Variants in TAMALIN observed in about 807,000 individuals in gnomAD.
The protein encoded by TAMALIN is trafficking regulator and scaffold protein tamalin, also known as protein TAMALIN.
Under a neutral mutation model 38.5 loss-of-function variants are expected in TAMALIN, and 9 were observed. The observed-to-expected ratio is 0.23, with a 90% CI of 0.14 to 0.41. The LOEUF (loss-of-function observed/expected upper bound fraction) is 0.41. TAMALIN is among the 10% of genes least tolerant of loss of function. The pLI, the probability that TAMALIN is intolerant of heterozygous loss-of-function variation, is 1.00. For missense variants in TAMALIN, 548 were observed against 554.1 expected (o/e 0.99, Z 0.11); for synonymous variants, 306 against 256.5 (o/e 1.19, Z -1.85).
In TAMALIN at chr12:52,013,799, G is replaced by A. The variant is rs550583802; in HGVS notation, c.548+19G>A. The A allele has an allele frequency of 1.9e-6, 3 of 1,613,144 alleles. No individual in the cohort carries two copies. Among genetic ancestry groups the A allele is most frequent in the African/African-American group, 2.7e-5 (2 of 74,906 alleles). ...TTCTCAGGTATGTCTGGGAGCCGAG[G>A]TGCCTGAATTCCTGAGCTCAGCCTC... On this transcript the variant is annotated intron_variant, in intron 5 of 7. Transcript: ENST00000293662.
At chr12:52,010,436 G>A in intron 2 of TAMALIN, 1 of 930,652 alleles carries the variant, frequency 1.1e-6, no homozygotes, top group Non-Finnish European at 1.3e-6. Flanking sequence ...CAGCATAGCT[G>A]GGAGGAGCAG....
In TAMALIN at chr12:52,011,462, AC is replaced by A; in HGVS notation, c.454+324del. On this transcript the variant is annotated intron_variant, in intron 4 of 7. Transcript: ENST00000293662. This position sits in a 1 kb window ranked among gnomAD's most constrained non-coding sequence, Gnocchi z 5.3. Reference sequence around the variant, plus strand: ...GCTGCTGCTCTGATTCCTCCCAGCAACCCTGGCAGTCAGCATGGGCAGGAGC... The same window carrying A: ...GCTGCTGCTCTGATTCCTCCCAGCAACCTGGCAGTCAGCATGGGCAGGAGC... The A allele has an allele frequency of 1.7e-6, 1 of 571,708 alleles. No individual in the cohort carries two copies. Among genetic ancestry groups the A allele is most frequent in the Non-Finnish European group, 3.1e-6 (1 of 319,692 alleles). 35.4% of individuals were successfully genotyped at this position (571,708 alleles called of 1,614,324 possible).
At chr12:52,013,991 C>A in intron 6 of TAMALIN, 48 bp downstream of exon 6, 1 of 1,596,170 alleles carries the variant, frequency 6.3e-7, no homozygotes, top group Non-Finnish European at 8.6e-7. Flanking sequence ...TCTTCCCAAG[C>A]CTCTGCCCTG....
chr12:52,014,654 C>T, intron 7 of TAMALIN, 40 bp from the exon 8 acceptor site: 1 of 1,418,666 alleles, frequency 7.0e-7, no homozygotes, highest in East Asian at 2.5e-5. Flanking sequence ...CACCACGGTC[C>T]AGGCCTGACC....
chr12:52,008,932 A>AGT (rs1942456386), intron 1 of TAMALIN, among the ~76,000 whole-genome samples: 1 of 152,216 alleles, frequency 6.6e-6, no homozygotes, highest in Non-Finnish European at 1.5e-5. Flanking sequence ...AAGGGCTTAG[A>AGT]GGTTCATGGA....
At chr12:52,013,584 C>T (rs960624364) in intron 4 of TAMALIN, 103 bp from the exon 5 acceptor site, 94 of 892,112 alleles carry the variant, frequency 1.1e-4, no homozygotes, top group Non-Finnish European at 1.7e-4. Context: ...AGGAGTATTC[C>T]CTGGAGTTAC....
chr12:52,015,287 G>A lies in TAMALIN; in HGVS notation c.*88G>A. 2.1e-6 allele frequency: 3 copies of A among 1,412,098 alleles called. No individual in the cohort carries two copies. The highest frequency in any genetic ancestry group is 2.8e-6 in the Non-Finnish European group (3 of 1,077,110). 87.5% of individuals were successfully genotyped at this position (1,412,098 alleles called of 1,614,324 possible). On this transcript the variant is annotated 3_prime_UTR_variant, in exon 8 of 8. Transcript: ENST00000293662. The stretch of plus-strand genomic sequence containing the variant: ...GGAGGCCGAGCCAAGAGGACCCCAG[G>A]AGCCCAGAGCAGCGGGAGAGGGTCC...
Position 52,015,045 on chromosome 12 carries a change from G to GGGGCGCGCC in TAMALIN, c.1043_1051dup (p.Pro348_Ala350dup), listed in dbSNP as rs1208002958. ...GCGGGCCCTGGCGGGGGCGGAGGCG[G>GGGGCGCGCC]GGGCGCGCCGGGCGCGCTCTGGACT... On this transcript the variant is annotated inframe_insertion, in exon 8 of 8. Coordinates refer to ENST00000293662, the MANE Select transcript of TAMALIN (RefSeq NM_181711.4). 7.4e-7 allele frequency: 1 copy of GGGGCGCGCC among 1,359,088 alleles called. No individual in the cohort carries two copies. The highest frequency in any genetic ancestry group is 3.2e-5 in the East Asian group (1 of 31,212). 84.2% of individuals were successfully genotyped at this position (1,359,088 alleles called of 1,614,324 possible).
At chr12:52,009,092 C>A (rs1942458125) in intron 1 of TAMALIN, 98 bp from the exon 2 acceptor site, 1 of 1,150,078 alleles carries the variant, frequency 8.7e-7, no homozygotes, top group Non-Finnish European at 1.3e-6. Flanking sequence ...TGGGAAGGGG[C>A]AGACAGGAAG....
At position 52,009,547 on chromosome 12, in the gene TAMALIN, G is replaced by A. The variant is rs1430597409; in HGVS notation, c.296+308G>A. Among the ~76,000 whole-genome samples the A allele has an allele frequency of 2.0e-5, 3 of 152,202 alleles. No homozygotes were observed. The East Asian group carries it at 5.8e-4, about 29-fold the overall frequency. ...GGGAGGGGGTGTAGGCAAAGTCTAT[G>A]GGGAACGTCCTAACCCAGGCCTCCT... On this transcript the variant is annotated intron_variant, in intron 2 of 7. Transcript: ENST00000293662.
At position 52,015,383 on chromosome 12, in the gene TAMALIN, C is replaced by T; in HGVS notation, c.*184C>T. On this transcript the variant is annotated 3_prime_UTR_variant, in exon 8 of 8. Coordinates refer to ENST00000293662, the MANE Select transcript of TAMALIN (RefSeq NM_181711.4). The stretch of plus-strand genomic sequence containing the variant: ...GAGGGAGTGGGGGGCCCAGCCCCTT[C>T]TCTTCTCCCCCGCCAAACCACAGTG... 1 of 696,132 alleles carries T rather than the reference C, an allele frequency of 1.4e-6. No homozygotes were observed. The highest frequency in any genetic ancestry group is 2.2e-6 in the Non-Finnish European group (1 of 452,058). 43.1% of individuals were successfully genotyped at this position (696,132 alleles called of 1,614,324 possible). A position where few individuals can be genotyped will look rare whatever the true frequency, so the allele number is the denominator to read the frequency against.
chr12:52,013,681 T>C lies in TAMALIN; in HGVS notation c.455-6T>C. 6.2e-7 allele frequency: 1 copy of C among 1,613,844 alleles called. No homozygotes were observed. The highest frequency in any genetic ancestry group is 2.2e-5 in the East Asian group (1 of 44,888). On this transcript the variant is annotated splice_polypyrimidine_tract_variant and splice_region_variant and intron_variant, in intron 4 of 7. Coordinates refer to ENST00000293662, the MANE Select transcript of TAMALIN (RefSeq NM_181711.4). ...AGCAAATCTAACCCCCTTGTCTGCC[T>C]GGCAGGGGACACCATCGCCAGCGTC...
In TAMALIN at chr12:52,014,859, C is replaced by T. The variant is rs777522435; in HGVS notation, c.848C>T (p.Ala283Val). Residue 283 changes from alanine (A) to valine (V), a missense_variant, in exon 8 of 8, where the codon GCC (alanine) becomes GTC (valine). Physicochemically the swap from Ala to Val is moderately conservative, Grantham distance 64. Coordinates refer to ENST00000293662, the MANE Select transcript of TAMALIN (RefSeq NM_181711.4). ...CGGGCCAGGGGCGACGCCGACGACG[C>T]CGTCTACCACACGTGCTTCTTCGGG... ...ARRARGDADD[A>V]VYHTCFFGDS... 7.9e-7 allele frequency: 1 copy of T among 1,259,116 alleles called. No individual in the cohort carries two copies. Among genetic ancestry groups the T allele is most frequent in the South Asian group, 2.1e-5 (1 of 48,060 alleles). 78.0% of individuals were successfully genotyped at this position (1,259,116 alleles called of 1,614,324 possible).
rs201172373 is a variant in TAMALIN at position 52,010,892 on chromosome 12, C to T, written c.308C>T (p.Thr103Met). ...TGTGTCTCTTGCAGGAAAGTGCTGA[C>T]GTTGGAGAAGGAGGATAACCAGACC... Reference protein sequence around the residue: ...QSPEQQRKVLTLEKEDNQTFG... With the variant: ...QSPEQQRKVLMLEKEDNQTFG... Residue 103 changes from threonine (T) to methionine (M), a missense_variant, in exon 3 of 8, where the codon ACG becomes ATG. Physicochemically the swap from Thr to Met is moderately conservative, Grantham distance 81. This residue lies in a region of TAMALIN where 415 missense variants were observed against 417.0 expected (regional missense o/e 1.00). Coordinates refer to ENST00000293662, the MANE Select transcript of TAMALIN (RefSeq NM_181711.4). 11 of 1,613,966 alleles carry T rather than the reference C, an allele frequency of 6.8e-6. No homozygotes were observed. Among genetic ancestry groups the T allele is most frequent in the Middle Eastern group, 1.6e-4 (1 of 6,084 alleles).
Position 52,015,004 on chromosome 12 carries a change from C to G in TAMALIN, c.993C>G (p.Ser331Arg), listed in dbSNP as rs2120863796. The G allele has an allele frequency of 2.0e-5, 21 of 1,049,438 alleles. No homozygotes were observed. Among genetic ancestry groups the G allele is most frequent in the Admixed American group, 5.6e-5 (1 of 17,794 alleles). The allele number at this position is 1,049,438 out of a possible 1,614,324, so 65.0% of individuals were successfully genotyped here. Residue 331 changes from serine to arginine, a missense_variant, in exon 8 of 8, where the codon AGC becomes AGG. By Grantham distance (110) the Ser-to-Arg change is moderately radical. Around this residue, in one of 3 missense-constraint regions of TAMALIN, gnomAD observed 415 missense variants for 417.0 expected, o/e 1.00. Transcript: ENST00000293662. ...GPGPRAALSR[S>R]ASVRCAGPGG... ...GGCCGCGGGCCGCGCTGAGCCGCAG[C>G]GCCAGTGTGCGGTGCGCGGGCCCTG...
At chr12:52,013,109 G>C (rs924349584) in intron 4 of TAMALIN, among the ~76,000 whole-genome samples, 1 of 136,272 alleles carries the variant, frequency 7.3e-6, no homozygotes, top group Non-Finnish European at 1.5e-5. Context: ...ACGGAGTCTC[G>C]CTCTGTCGCC....
At chr12:52,014,586 T>C (rs1937740099) in intron 7 of TAMALIN, 108 bp from the exon 8 acceptor site, 1 of 818,748 alleles carries the variant, frequency 1.2e-6, no homozygotes, top group Non-Finnish European at 1.8e-6. Context: ...GCCACAGAGA[T>C]GGTCAGCAGG....
chr12:52,008,839 G>A, intron 1 of TAMALIN: 2 of 812,520 alleles, frequency 2.5e-6, no homozygotes. Flanking sequence ...TGGATGGCCT[G>A]AGCCTCTACA....
rs147498387 is a variant in TAMALIN, at chr12:52,013,738, G to C, written c.506G>C (p.Arg169Pro). 3 of 1,614,158 alleles carry C rather than the reference G, an allele frequency of 1.9e-6. No homozygotes were observed. In the South Asian group the frequency reaches 3.3e-5, roughly 18 times the overall value. ...NGLNVEGIRH[R>P]EIVDIIKASG... ...CTGAATGTGGAAGGCATCCGGCATC[G>C]AGAGATTGTGGACATCATTAAGGCG... is the stretch of plus-strand genomic sequence containing the variant. Residue 169 changes from arginine (R) to proline (P), a missense_variant, in exon 5 of 8, where the codon CGA (arginine) becomes CCA (proline). Transcript: ENST00000293662.
Sources: gnomAD v4.1 joint callset for allele counts (sites outside exome capture counted in the v4.1 genomes callset) on GRCh38, gnomAD v4.1.1 for gene constraint, gnomAD v4.1.1 regional missense constraint, Gnocchi (gnomAD v3.1) non-coding constraint, MANE v1.5 for transcripts, NCBI Gene and HGNC (gene_info 2026-07-23, HGNC 2026-07-21) for gene names.